The following TMEM184A variants were observed in gnomAD, a reference collection of about 807,000 sequenced individuals.
The protein encoded by TMEM184A is transmembrane protein 184A.
In TMEM184A, 40 loss-of-function variants were observed where a neutral mutation model predicts 39.5. The observed-to-expected ratio is 1.01, with a 90% CI of 0.79 to 1.32. TMEM184A has a LOEUF of 1.32. Among genes scored for constraint, TMEM184A ranks in the 40% most tolerant of loss-of-function variants. The pLI is 0.00. For synonymous variants in TMEM184A, 280 were observed against 252.3 expected, an observed-to-expected ratio of 1.11 and a Z score of -1.04; for missense variants, 603 against 568.8, an observed-to-expected ratio of 1.06 and a Z score of -0.61.
chr7:1,550,401 G>A lies in TMEM184A; in HGVS notation c.386-6C>T, dbSNP rs1784542677. 6.2e-7 allele frequency: 1 copy of A among 1,609,806 alleles called. No individual in the cohort carries two copies. The highest frequency in any genetic ancestry group is 8.5e-7 in the Non-Finnish European group (1 of 1,178,340). Reference sequence around the variant, plus strand: ...GAAGCTGTAAATGACAAAGGCTGCAGGGAGCACAGAGGGGGACCGGCTGTG... The same window carrying A: ...GAAGCTGTAAATGACAAAGGCTGCAAGGAGCACAGAGGGGGACCGGCTGTG... On this transcript the variant is annotated splice_polypyrimidine_tract_variant and splice_region_variant and intron_variant, in intron 3 of 8. Coordinates refer to ENST00000297477, the MANE Select transcript of TMEM184A (RefSeq NM_001097620.2).
At chr7:1,554,320 C>T (rs1183445010) in intron 2 of TMEM184A, among the ~76,000 whole-genome samples, 1 of 152,156 alleles carries the variant, frequency 6.6e-6, no homozygotes, top group African/African-American at 2.4e-5. Context: ...TGATGGCCCC[C>T]TGCCCCAGCT....
At chr7:1,551,566 G>A (rs972466949) in intron 2 of TMEM184A, among the ~76,000 whole-genome samples, 2 of 152,224 alleles carry the variant, frequency 1.3e-5, no homozygotes, top group Non-Finnish European at 1.5e-5. Flanking sequence ...ATTTACTATA[G>A]AAGTACATAT....
At position 1,555,690 on chromosome 7, in the gene TMEM184A, C is replaced by G. The variant is rs891779828; in HGVS notation, c.1-206G>C. On this transcript the variant is annotated intron_variant, in intron 1 of 8. Transcript: ENST00000297477. This position sits in a 1 kb window ranked among gnomAD's most constrained non-coding sequence, Gnocchi z 5.2. Reference sequence around the variant, plus strand: ...TCAGCCATCGAAGCTCACCCATCAACCACCTGCGACCTGAGGGTCCCACCT... The same window carrying G: ...TCAGCCATCGAAGCTCACCCATCAAGCACCTGCGACCTGAGGGTCCCACCT... 7.2e-5 allele frequency among the ~76,000 whole-genome samples: 11 copies of G among 152,228 alleles called. No homozygotes were observed. The highest frequency in any genetic ancestry group is 2.7e-4 in the African/African-American group (11 of 41,464).
rs916188098 is a variant in TMEM184A, at chr7:1,549,186, G to A, written c.645-498C>T. On this transcript the variant is annotated intron_variant, in intron 6 of 8. Coordinates refer to ENST00000297477, the MANE Select transcript of TMEM184A (RefSeq NM_001097620.2). ...TGAGTGTACATACATGTGTGGTGGT[G>A]TGTGCACGGTTTGCGCATGTGCTGT... 1.7e-5 allele frequency: 8 copies of A among 457,542 alleles called. No homozygotes were observed. In the Admixed American group the frequency reaches 1.9e-4, roughly 11 times the overall value. The allele number at this position is 457,542 out of a possible 1,614,324, so 28.3% of individuals were successfully genotyped here.
At chr7:1,548,271 A>C (rs1054360953) in intron 7 of TMEM184A, among the ~76,000 whole-genome samples, 1 of 83,872 alleles carries the variant, frequency 1.2e-5, no homozygotes, top group South Asian at 3.2e-4. Context: ...AGGATTCAGG[A>C]AACACCTGGT....
chr7:1,548,185 C>G (rs1261107800), intron 7 of TMEM184A, among the ~76,000 whole-genome samples: 1 of 152,228 alleles, frequency 6.6e-6, no homozygotes, highest in Admixed American at 6.5e-5. Context: ...TGGGCCCGTG[C>G]CCTGTCTGGT....
At chr7:1,553,492 G>T (rs1209236838) in intron 2 of TMEM184A, among the ~76,000 whole-genome samples, 2 of 152,150 alleles carry the variant, frequency 1.3e-5, no homozygotes, top group Admixed American at 6.5e-5. Context: ...CTCAACTACA[G>T]GGTCTTTGAG....
intron 6 of TMEM184A, chr7:1,548,896 G>T (rs745399484): frequency 2.8e-6 from 2 of 706,656 alleles, no homozygotes; most frequent in Non-Finnish European, 5.1e-6. Context: ...CCTATGCAGG[G>T]GTAGGGCAGG....
At chr7:1,547,595 G>A (rs952000721) in intron 8 of TMEM184A, 147 bp downstream of exon 8, 6 of 825,482 alleles carry the variant, frequency 7.3e-6, no homozygotes, top group South Asian at 3.3e-5. Flanking sequence ...ACACAGCCCA[G>A]GTGCCTGTCC....
At chr7:1,554,274 A>T (rs1307855935) in intron 2 of TMEM184A, among the ~76,000 whole-genome samples, 1 of 152,062 alleles carries the variant, frequency 6.6e-6, no homozygotes, top group African/African-American at 2.4e-5. Flanking sequence ...TCCCTCGGAG[A>T]CTTGTGGCCA....
In TMEM184A at chr7:1,547,030, G is replaced by GA. The variant is rs777693281; in HGVS notation, c.1163_1164insT (p.Ser390GlnfsTer34). 77 of 1,605,508 alleles carry GA rather than the reference G, an allele frequency of 4.8e-5. No individual in the cohort carries two copies. In the Middle Eastern group the frequency reaches 1.1e-3, roughly 23 times the overall value. On this transcript the variant is annotated frameshift_variant, in exon 9 of 9. Transcript: ENST00000297477. LOFTEE classifies it low-confidence loss of function (END_TRUNC). ...TGCTCCCGCCGGAGCCGCCGCTGGG[G>GA]TGGGTGCCGGGCCTGGGCGCCTCGT...
chr7:1,547,737 T>C lies in TMEM184A; in HGVS notation c.1012+5A>G, dbSNP rs1784404319. 1 of 1,610,244 alleles carries C rather than the reference T, an allele frequency of 6.2e-7. No individual in the cohort carries two copies. The highest frequency in any genetic ancestry group is 1.7e-5 in the Admixed American group (1 of 59,748). On this transcript the variant is annotated splice_donor_5th_base_variant and intron_variant, in intron 8 of 8. Transcript: ENST00000297477. The stretch of plus-strand genomic sequence containing the variant: ...CGGGTGCCCCAGCTGGAAGGCAGGG[T>C]GTACCTGGTGAATTCTCCTTCTTCT...
In TMEM184A at chr7:1,545,264, G is replaced by A. The variant is rs1443081201; in HGVS notation, c.*1688C>T. 3.9e-5 allele frequency: 6 copies of A among 152,566 alleles called. No individual in the cohort carries two copies. The highest frequency in any genetic ancestry group is 3.9e-4 in the Admixed American group (6 of 15,290). 9.5% of individuals were successfully genotyped at this position (152,566 alleles called of 1,614,324 possible). A position where few individuals can be genotyped will look rare whatever the true frequency, so the allele number is the denominator to read the frequency against. On this transcript the variant is annotated 3_prime_UTR_variant, in exon 9 of 9. Transcript: ENST00000297477. The stretch of plus-strand genomic sequence containing the variant: ...AGGTGGGCGTCTTTGCAGCCGTGCA[G>A]GGAGGAGCTCAGCCTATCTTATCAG...
intron 2 of TMEM184A, among the ~76,000 whole-genome samples, chr7:1,552,107 T>A (rs1280912005): frequency 6.6e-6 from 1 of 151,674 alleles, no homozygotes; most frequent in Non-Finnish European, 1.5e-5. Flanking sequence ...GCCTGCTGAG[T>A]ATTGGGACTA....
intron 6 of TMEM184A, chr7:1,549,588 T>A (rs1447462824): frequency 1.7e-6 from 1 of 582,618 alleles, no homozygotes; most frequent in African/African-American, 1.9e-5. Context: ...CCCCCGGCCT[T>A]GGCAGGCACC....
At chr7:1,553,521 G>A (rs1010992627) in intron 2 of TMEM184A, among the ~76,000 whole-genome samples, 7 of 152,190 alleles carry the variant, frequency 4.6e-5, no homozygotes, top group Non-Finnish European at 1.0e-4. Context: ...AGCCGAGCCT[G>A]GGAGCTGGGC....
Position 1,549,952 on chromosome 7 carries a change from G to A in TMEM184A, c.553-7C>T, listed in dbSNP as rs1252071015. ...GGCAGAACTGCAGAGTGGCCTGGGG[G>A]CGACGGCACCCGGTGGGCCTGGGGC... is the stretch of plus-strand genomic sequence containing the variant. On this transcript the variant is annotated splice_polypyrimidine_tract_variant and splice_region_variant and intron_variant, in intron 5 of 8. Transcript: ENST00000297477. The A allele has an allele frequency of 1.9e-6, 3 of 1,612,466 alleles. No homozygotes were observed. The highest frequency in any genetic ancestry group is 2.5e-6 in the Non-Finnish European group (3 of 1,179,538).
Position 1,545,854 on chromosome 7 carries a change from C to T in TMEM184A, c.*1098G>A, listed in dbSNP as rs895421367. The T allele has an allele frequency of 6.6e-6, 1 of 152,474 alleles. No individual in the cohort carries two copies. Among genetic ancestry groups the T allele is most frequent in the Admixed American group, 6.5e-5 (1 of 15,294 alleles). The allele number at this position is 152,474 out of a possible 1,614,324, so 9.4% of individuals were successfully genotyped here. ...CGTCCGAGGCTCCTCAAACCCAGGG[C>T]CCCACCTGGCACGTGGAGGAAGAAG... On this transcript the variant is annotated 3_prime_UTR_variant, in exon 9 of 9. Coordinates refer to ENST00000297477, the MANE Select transcript of TMEM184A (RefSeq NM_001097620.2).
At chr7:1,553,298 G>A (rs545727511) in intron 2 of TMEM184A, among the ~76,000 whole-genome samples, 10 of 152,024 alleles carry the variant, frequency 6.6e-5, no homozygotes, top group Admixed American at 3.9e-4. Flanking sequence ...GATTATAGGC[G>A]CGCACCACCA....
Sources: gnomAD v4.1 joint callset for allele counts (sites outside exome capture counted in the v4.1 genomes callset) on GRCh38, gnomAD v4.1.1 for gene constraint, Gnocchi (gnomAD v3.1) non-coding constraint, MANE v1.5 for transcripts, NCBI Gene and HGNC (gene_info 2026-07-23, HGNC 2026-07-21) for gene names.